Variants in AHCTF1 observed in about 807,000 individuals in gnomAD.
AHCTF1 encodes protein ELYS.
A neutral mutation model predicts 248.4 loss-of-function variants in AHCTF1; 24 were observed. The observed-to-expected ratio is 0.10, with a 90% CI of 0.07 to 0.14. The LOEUF (loss-of-function observed/expected upper bound fraction) is 0.14. Ranked by LOEUF, AHCTF1 falls within the 10% of genes least tolerant of loss-of-function variation. The probability of loss-of-function intolerance (pLI) is 1.00; values close to 1 mark genes in which losing one functional copy is unlikely to be tolerated. For missense variants in AHCTF1, 2,206 were observed against 2,636.2 expected, an observed-to-expected ratio of 0.84 and a Z score of 3.57; for synonymous variants, 786 against 929.8, an observed-to-expected ratio of 0.85 and a Z score of 2.81.
chr1:246,931,654 C>A lies in AHCTF1; in HGVS notation c.-84G>T, dbSNP rs1364811327. 4.6e-5 allele frequency: 7 copies of A among 152,960 alleles called. No homozygotes were observed. In the South Asian group the frequency reaches 9.7e-4, roughly 21 times the overall value. The allele number at this position is 152,960 out of a possible 1,614,324, so 9.5% of individuals were successfully genotyped here. A position where few individuals can be genotyped will look rare whatever the true frequency, so the allele number is the denominator to read the frequency against. On this transcript the variant is annotated 5_prime_UTR_variant, in exon 1 of 36. Transcript: ENST00000648844. ...AGGCCAGGCGCGAGCTCCTCCCGTG[C>A]GGGTCCGTCACAGCATCTCCCGGGA... is the stretch of plus-strand genomic sequence containing the variant.
intron 14 of AHCTF1, among the ~76,000 whole-genome samples, chr1:246,892,307 T>A (rs896311970): frequency 1.2e-5 from 1 of 80,286 alleles, no homozygotes; most frequent in Non-Finnish European, 2.5e-5. Context: ...TTTACTTTTT[T>A]TTTTTTTTTT....
chr1:246,923,901 TA>T (rs1165001648), intron 1 of AHCTF1, among the ~76,000 whole-genome samples: 1 of 152,182 alleles, frequency 6.6e-6, no homozygotes, highest in Non-Finnish European at 1.5e-5. Context: ...TGGAAGTCCC[TA>T]ACTACATACT....
intron 1 of AHCTF1, among the ~76,000 whole-genome samples, chr1:246,918,605 C>T (rs772525534): frequency 1.3e-5 from 2 of 152,160 alleles, no homozygotes; most frequent in African/African-American, 2.4e-5. Context: ...GAGGCTGCGC[C>T]TCCAGTGAGC....
chr1:246,878,817 T>C (rs1178115446), intron 21 of AHCTF1, among the ~76,000 whole-genome samples: 1 of 152,214 alleles, frequency 6.6e-6, no homozygotes, highest in East Asian at 1.9e-4. Context: ...CCACAGGGCT[T>C]ATACAGGCCA....
At chr1:246,880,658 T>C (rs544152405) in intron 21 of AHCTF1, among the ~76,000 whole-genome samples, 1 of 152,190 alleles carries the variant, frequency 6.6e-6, no homozygotes, top group East Asian at 1.9e-4. Context: ...ACTTAATTTA[T>C]GATTTACCAA....
At chr1:246,927,165 G>A (rs1369446324) in intron 1 of AHCTF1, among the ~76,000 whole-genome samples, 4 of 149,274 alleles carry the variant, frequency 2.7e-5, no homozygotes, top group Non-Finnish European at 4.4e-5. Context: ...GCGACAGAGC[G>A]AGACTCTGTC....
At chr1:246,869,077 C>T (rs1159660859) in intron 24 of AHCTF1, among the ~76,000 whole-genome samples, 1 of 151,428 alleles carries the variant, frequency 6.6e-6, no homozygotes, top group Non-Finnish European at 1.5e-5. Flanking sequence ...ATCTCCTGAC[C>T]TCGTGATCCG....
At position 246,891,903 on chromosome 1, in the gene AHCTF1, A is replaced by T; in HGVS notation, c.1821T>A (p.Asp607Glu). The T allele has an allele frequency of 1.3e-6, 2 of 1,596,520 alleles. No individual in the cohort carries two copies. Among genetic ancestry groups the T allele is most frequent in the Non-Finnish European group, 8.5e-7 (1 of 1,175,324 alleles). The part of the protein sequence containing the change: ...EFDRLCVPLF[D>E]GSCHFMDPQT... ...GTGGATCCATGAAATGACACGAACC[A>T]TCAAATAATGGCACACCTTTCAAGA... The change falls in exon 15 of 36, where the codon GAT (aspartate) becomes GAA (glutamate). Residue 607 changes from aspartate to glutamate, a missense_variant. Physicochemically the swap from Asp to Glu is conservative, Grantham distance 45. Transcript: ENST00000648844.
At chr1:246,906,253 G>C (rs1001807031) in intron 5 of AHCTF1, among the ~76,000 whole-genome samples, 4 of 152,118 alleles carry the variant, frequency 2.6e-5, no homozygotes, top group African/African-American at 9.7e-5. Flanking sequence ...AGGTACTGCA[G>C]GTATTTCTTT....
chr1:246,887,121 T>C (rs892066949), intron 20 of AHCTF1, 90 bp downstream of exon 20: 2 of 1,416,448 alleles, frequency 1.4e-6, no homozygotes, highest in African/African-American at 1.4e-5. Context: ...GTAGACTGTA[T>C]CATATCTTTT....
At chr1:246,868,022 G>A (rs1417947436) in intron 24 of AHCTF1, among the ~76,000 whole-genome samples, 1 of 151,342 alleles carries the variant, frequency 6.6e-6, no homozygotes, top group East Asian at 1.9e-4. Context: ...GAGGGCAGTG[G>A]CATGATCTCG....
rs759476253 is a variant in AHCTF1 at position 246,900,405 on chromosome 1, C to T, written c.1182G>A (p.Lys394=). 1 of 1,600,732 alleles carries T rather than the reference C, an allele frequency of 6.2e-7. No individual in the cohort carries two copies. Among genetic ancestry groups the T allele is most frequent in the African/African-American group, 1.4e-5 (1 of 73,998 alleles). ...TWQVNIYGQG[K]PSVYLGLFDI... ...CAAAAAGCCCCAAATATACAGAAGG[C>T]TTTCCCTGTCCATATATATTCACCT... Residue 394 remains lysine, a synonymous_variant, in exon 9 of 36, where the codon AAG becomes AAA. Transcript: ENST00000648844.
In AHCTF1 at chr1:246,853,081, T is replaced by A. The variant is rs1660834896; in HGVS notation, c.4563+10A>T. On this transcript the variant is annotated intron_variant, in intron 32 of 35. Transcript: ENST00000648844. Reference sequence around the variant, plus strand: ...GACTGATAAAGAAGTAAAAAATTAATTTTTTTTACATGAATTTCTTGAGTA... The same window carrying A: ...GACTGATAAAGAAGTAAAAAATTAAATTTTTTTACATGAATTTCTTGAGTA... 4 of 1,586,738 alleles carry A rather than the reference T, an allele frequency of 2.5e-6. No individual in the cohort carries two copies. The highest frequency in any genetic ancestry group is 2.7e-5 in the African/African-American group (2 of 73,630).
In AHCTF1 at chr1:246,850,641, T is replaced by C; in HGVS notation, c.5365A>G (p.Ile1789Val). The change falls in exon 33 of 36, where the codon ATC becomes GTC. Residue 1789 changes from isoleucine (I) to valine (V), a missense_variant. Physicochemically the swap from Ile to Val is conservative, Grantham distance 29. This residue lies in a region of AHCTF1 where 955 missense variants were observed against 1,055.6 expected (regional missense o/e 0.90). Coordinates refer to ENST00000648844, the MANE Select transcript of AHCTF1 (RefSeq NM_001323342.2). ...AKEISEASEN[I>V]YSDVRGLSQN... ...GATAGTCCTCTGACATCAGAATAGA[T>C]GTTTTCAGAAGCTTCAGAAATTTCT... is the stretch of plus-strand genomic sequence containing the variant. 1 of 1,613,878 alleles carries C rather than the reference T, an allele frequency of 6.2e-7. No individual in the cohort carries two copies.
chr1:246,843,827 T>G lies in AHCTF1; in HGVS notation c.6493A>C (p.Thr2165Pro). 1 of 1,482,740 alleles carries G rather than the reference T, an allele frequency of 6.7e-7. No individual in the cohort carries two copies. The highest frequency in any genetic ancestry group is 9.0e-7 in the Non-Finnish European group (1 of 1,115,868). The allele number at this position is 1,482,740 out of a possible 1,614,324, so 91.8% of individuals were successfully genotyped here. A position where few individuals can be genotyped will look rare whatever the true frequency, so the allele number is the denominator to read the frequency against. ...PPALRSRQKN[T>P]SNKNKLEDEL... The stretch of plus-strand genomic sequence containing the variant: ...TCTTCAAGCTTGTTCTTATTGGATG[T>G]GTTTTTTTGTCTGCTCCTTAAAGCA... Residue 2165 changes from threonine to proline, a missense_variant, in exon 34 of 36, where the codon ACA becomes CCA. Thr to Pro is a conservative substitution (Grantham distance 38). This residue lies in a region of AHCTF1 where 469 missense variants were observed against 470.0 expected (regional missense o/e 1.00). Transcript: ENST00000648844.
chr1:246,885,466 C>T lies in AHCTF1; in HGVS notation c.2660+27G>A, dbSNP rs569727186. Reference sequence around the variant, plus strand: ...ATTTTATTAACAGATACGATAAAGACTTTATAGTTTCAAAAGATGTACTTA... The same window carrying T: ...ATTTTATTAACAGATACGATAAAGATTTTATAGTTTCAAAAGATGTACTTA... On this transcript the variant is annotated intron_variant, in intron 21 of 35. Coordinates refer to ENST00000648844, the MANE Select transcript of AHCTF1 (RefSeq NM_001323342.2). 1.5e-4 allele frequency: 229 copies of T among 1,554,670 alleles called. No homozygotes were observed. In the South Asian group the frequency reaches 2.4e-3, roughly 16 times the overall value.
intron 1 of AHCTF1, among the ~76,000 whole-genome samples, chr1:246,919,714 A>T (rs1666390076): frequency 6.6e-6 from 1 of 151,500 alleles, no homozygotes; most frequent in South Asian, 2.1e-4. Context: ...AAAAAAAAAA[A>T]AAATCCTCAA....
At chr1:246,876,332 A>T in intron 23 of AHCTF1, 145 bp from the exon 24 acceptor site, 1 of 651,798 alleles carries the variant, frequency 1.5e-6, no homozygotes, top group South Asian at 3.1e-5. Flanking sequence ...CAAGAACTTC[A>T]TCCACATATC....
intron 7 of AHCTF1, 112 bp downstream of exon 7, chr1:246,903,837 C>CA (rs34620854): frequency 0.033 from 20,741 of 622,212 alleles, 23 homozygotes; most frequent in Non-Finnish European, 0.039. Context: ...GACTCTGTCT[C>CA]AAAAAAAAAA....
Sources: gnomAD v4.1 joint callset for allele counts (sites outside exome capture counted in the v4.1 genomes callset) on GRCh38, gnomAD v4.1.1 for gene constraint, gnomAD v4.1.1 regional missense constraint, MANE v1.5 for transcripts, NCBI Gene and HGNC (gene_info 2026-07-23, HGNC 2026-07-21) for gene names.